SLC25A13: variants seen among roughly 807,000 people sequenced by gnomAD.
The protein encoded by SLC25A13 is electrogenic aspartate/glutamate antiporter SLC25A13, mitochondrial.
Under a neutral mutation model 85.5 loss-of-function variants are expected in SLC25A13, and 70 were observed. The ratio of observed to expected loss-of-function variants is 0.82; its 90% CI spans 0.68 to 1.00. The LOEUF is 1.00. Among genes scored for constraint, SLC25A13 ranks in the 50% least tolerant of loss-of-function variants. The pLI, the probability that SLC25A13 is intolerant of heterozygous loss-of-function variation, is 0.00. For missense variants in SLC25A13, 765 were observed against 819.8 expected, an observed-to-expected ratio of 0.93 and a Z score of 0.82; for synonymous variants, 259 against 288.7, an observed-to-expected ratio of 0.90 and a Z score of 1.04.
chr7:96,274,066 CCTT>C (rs1798349632), intron 3 of SLC25A13, among the ~76,000 whole-genome samples: 1 of 152,284 alleles, frequency 6.6e-6, no homozygotes, highest in South Asian at 2.1e-4. Flanking sequence ...AAAAAGGAAA[CCTT>C]CTGCCGCTGG....
intron 3 of SLC25A13, among the ~76,000 whole-genome samples, chr7:96,267,965 C>T (rs1204984914): frequency 6.6e-6 from 1 of 152,150 alleles, no homozygotes; most frequent in African/African-American, 2.4e-5. Flanking sequence ...CTTCTGTTTG[C>T]ACATGGAGTG....
rs141800733 is a variant in SLC25A13, at chr7:96,158,807, G to A, written c.1311+11238C>T. Among the ~76,000 whole-genome samples, 339 of 152,284 alleles carry A rather than the reference G, an allele frequency of 2.2e-3. 10 individuals are homozygous for A. The highest frequency in any genetic ancestry group is 0.017 in the Admixed American group (256 of 15,306). On this transcript the variant is annotated intron_variant, in intron 13 of 17. Coordinates refer to ENST00000265631, the MANE Select transcript of SLC25A13 (RefSeq NM_014251.3). ...ATGTTTCATTAAGACGAATACACAA[G>A]TGATGACAGTGTTTGACATTTGAAT...
chr7:96,241,045 A>G (rs1423218525), intron 3 of SLC25A13, among the ~76,000 whole-genome samples: 1 of 30,500 alleles, frequency 3.3e-5, no homozygotes. Context: ...AAGGAAAGAA[A>G]GAAAGAAAGA....
intron 4 of SLC25A13, among the ~76,000 whole-genome samples, chr7:96,220,219 T>C (rs914347746): frequency 1.3e-5 from 2 of 152,230 alleles, no homozygotes; most frequent in African/African-American, 2.4e-5. Flanking sequence ...ATCTATATTG[T>C]TTTCAAAAAC....
At chr7:96,140,273 T>C (rs908031164) in intron 14 of SLC25A13, among the ~76,000 whole-genome samples, 2 of 151,718 alleles carry the variant, frequency 1.3e-5, no homozygotes, top group Non-Finnish European at 2.9e-5. Flanking sequence ...TCCATTCTTT[T>C]GGATGTACAC....
At chr7:96,136,292 G>A (rs148867598) in intron 14 of SLC25A13, among the ~76,000 whole-genome samples, 3 of 152,262 alleles carry the variant, frequency 2.0e-5, no homozygotes, top group African/African-American at 7.2e-5. Flanking sequence ...AGAGATTCTG[G>A]CGGCAGCATA....
chr7:96,198,873 G>C (rs1478461828), intron 5 of SLC25A13, among the ~76,000 whole-genome samples: 1 of 152,250 alleles, frequency 6.6e-6, no homozygotes, highest in Non-Finnish European at 1.5e-5. Context: ...AGGGGAAAGA[G>C]ATGAGGTGGT....
chr7:96,148,506 T>C (rs546507168), intron 13 of SLC25A13, among the ~76,000 whole-genome samples: 41 of 152,338 alleles, frequency 2.7e-4, no homozygotes, highest in African/African-American at 8.2e-4. Flanking sequence ...CAAGTAACCA[T>C]GTGAGAGGCA....
intron 2 of SLC25A13, among the ~76,000 whole-genome samples, chr7:96,290,130 T>C (rs1428398715): frequency 6.6e-6 from 1 of 152,144 alleles, no homozygotes; most frequent in African/African-American, 2.4e-5. Flanking sequence ...TCAACATTCT[T>C]AAAGAAAAGA....
chr7:96,123,584 TAGG>T (rs1791604758), intron 15 of SLC25A13, among the ~76,000 whole-genome samples: 1 of 152,180 alleles, frequency 6.6e-6, no homozygotes, highest in South Asian at 2.1e-4. Context: ...GCAAAACTGA[TAGG>T]AGTTGTGGCG....
At chr7:96,155,499 G>A (rs1232268027) in intron 13 of SLC25A13, among the ~76,000 whole-genome samples, 2 of 152,092 alleles carry the variant, frequency 1.3e-5, no homozygotes, top group African/African-American at 4.8e-5. Context: ...TCTGCCCACA[G>A]TGATCTCTGC....
intron 4 of SLC25A13, 63 bp downstream of exon 4, chr7:96,234,739 A>G: frequency 1.5e-6 from 2 of 1,316,798 alleles, no homozygotes; most frequent in East Asian, 4.6e-5. Context: ...CTAGAAAAAA[A>G]AAAAAGAAAA....
chr7:96,224,713 A>T (rs4729243), intron 4 of SLC25A13, among the ~76,000 whole-genome samples: 67,020 of 152,134 alleles, frequency 0.44, 15,478 homozygotes, highest in East Asian at 0.61. Flanking sequence ...CATAGTGAAA[A>T]AAAATCGTAA....
At chr7:96,177,540 A>T (rs1226763547) in intron 11 of SLC25A13, among the ~76,000 whole-genome samples, 1 of 152,168 alleles carries the variant, frequency 6.6e-6, no homozygotes, top group East Asian at 1.9e-4. Flanking sequence ...CAAGTTACCT[A>T]ATCTCTTTGT....
intron 13 of SLC25A13, among the ~76,000 whole-genome samples, chr7:96,148,106 A>G (rs1275416251): frequency 6.6e-6 from 1 of 152,186 alleles, no homozygotes; most frequent in Non-Finnish European, 1.5e-5. Flanking sequence ...ATTTTTACCA[A>G]CTTGATACCT....
chr7:96,146,477 A>G, intron 14 of SLC25A13, 79 bp downstream of exon 14: 1 of 1,560,966 alleles, frequency 6.4e-7, no homozygotes, highest in Non-Finnish European at 8.7e-7. Flanking sequence ...AAAAAAATGG[A>G]TTTCATGTTG....
intron 14 of SLC25A13, 125 bp from the exon 15 acceptor site, chr7:96,132,006 G>T: frequency 8.2e-7 from 1 of 1,212,514 alleles, no homozygotes; most frequent in Non-Finnish European, 1.2e-6. Context: ...CTCACACATT[G>T]AAAGGGGAAC....
At chr7:96,138,403 T>G (rs917023053) in intron 14 of SLC25A13, among the ~76,000 whole-genome samples, 1 of 151,588 alleles carries the variant, frequency 6.6e-6, no homozygotes, top group Non-Finnish European at 1.5e-5. Flanking sequence ...TTTTTCTTTT[T>G]TTTTTTTTTT....
At chr7:96,221,208 T>A (rs1796116694) in intron 4 of SLC25A13, among the ~76,000 whole-genome samples, 1 of 152,124 alleles carries the variant, frequency 6.6e-6, no homozygotes, top group Admixed American at 6.5e-5. Context: ...TTCTGGACAG[T>A]CTCTAGGATC....
Sources: gnomAD v4.1 joint callset for allele counts (sites outside exome capture counted in the v4.1 genomes callset) on GRCh38, gnomAD v4.1.1 for gene constraint, MANE v1.5 for transcripts, NCBI Gene and HGNC (gene_info 2026-07-23, HGNC 2026-07-21) for gene names.